The following OR9Q1 variants were observed in gnomAD, a reference collection of about 807,000 sequenced individuals.
The protein encoded by OR9Q1 is olfactory receptor family 9 subfamily Q member 1.
For missense variants in OR9Q1, 374 were observed against 378.8 expected (o/e 0.99, Z 0.11); for synonymous variants, 153 against 148.6 (o/e 1.03, Z -0.22).
At position 58,181,515 on chromosome 11, in the gene OR9Q1, A is replaced by G. The variant is rs1242408584; in HGVS notation, c.*1138A>G. 1 of 165,950 alleles carries G rather than the reference A, an allele frequency of 6.0e-6. No individual in the cohort carries two copies. The highest frequency in any genetic ancestry group is 1.5e-5 in the Non-Finnish European group (1 of 67,992). The allele number at this position is 165,950 out of a possible 1,614,324, so 10.3% of individuals were successfully genotyped here. On this transcript the variant is annotated 3_prime_UTR_variant, in exon 3 of 3. Coordinates refer to ENST00000335397, the MANE Select transcript of OR9Q1 (RefSeq NM_001005212.4). ...TCTATTAATTTTTTTTCATTTAAAC[A>G]AATTTTTATACCTGGAACTCAAACT...
At chr11:58,076,562 A>G (rs544701718) in intron 2 of OR9Q1, among the ~76,000 whole-genome samples, 2 of 152,328 alleles carry the variant, frequency 1.3e-5, no homozygotes, top group African/African-American at 2.4e-5. Flanking sequence ...TTATGGGCTC[A>G]CTGACTTTTG....
chr11:58,038,165 A>C (rs1853126992), intron 1 of OR9Q1, among the ~76,000 whole-genome samples: 4 of 152,046 alleles, frequency 2.6e-5, no homozygotes, highest in Middle Eastern at 6.8e-3. Context: ...ACTGGGAAAA[A>C]CCCAGTTTTG....
chr11:58,134,063 A>G (rs1429575657), intron 2 of OR9Q1, among the ~76,000 whole-genome samples: 1 of 152,204 alleles, frequency 6.6e-6, no homozygotes, highest in Non-Finnish European at 1.5e-5. Flanking sequence ...TCTCTCATTT[A>G]GAAGCTGATT....
Position 58,179,952 on chromosome 11 carries a change from G to A in OR9Q1, c.508G>A (p.Gly170Arg), listed in dbSNP as rs764345135. 7.4e-6 allele frequency: 12 copies of A among 1,614,010 alleles called. 1 individual carries two copies. The highest frequency in any genetic ancestry group is 2.2e-5 in the East Asian group (1 of 44,878). ...TVSAFTLSFC[G>R]TSEIDFIFCD... Reference sequence around the variant, plus strand: ...CTCAGCCTTCACTCTCTCCTTCTGTGGAACCAGTGAGATTGACTTTATTTT... The same window carrying A: ...CTCAGCCTTCACTCTCTCCTTCTGTAGAACCAGTGAGATTGACTTTATTTT... Residue 170 changes from glycine (G) to arginine (R), a missense_variant, in exon 3 of 3, where the codon GGA becomes AGA. Coordinates refer to ENST00000335397, the MANE Select transcript of OR9Q1 (RefSeq NM_001005212.4).
intron 2 of OR9Q1, among the ~76,000 whole-genome samples, chr11:58,126,648 T>C (rs1854093212): frequency 6.6e-6 from 1 of 152,196 alleles, no homozygotes; most frequent in African/African-American, 2.4e-5. Flanking sequence ...TACCTTCCAA[T>C]ACATTTTTGG....
intron 2 of OR9Q1, among the ~76,000 whole-genome samples, chr11:58,122,944 G>T: frequency 6.7e-6 from 1 of 148,722 alleles, no homozygotes. Context: ...ATTTGTTTAT[G>T]TAATTGTGGT....
At chr11:58,161,403 A>G (rs1854456447) in intron 2 of OR9Q1, among the ~76,000 whole-genome samples, 1 of 152,146 alleles carries the variant, frequency 6.6e-6, no homozygotes, top group African/African-American at 2.4e-5. Context: ...GCAATGGCGT[A>G]ATAGATGGAC....
At chr11:58,031,628 G>T (rs376751371) in intron 1 of OR9Q1, 5 of 1,608,738 alleles carry the variant, frequency 3.1e-6, no homozygotes, top group Admixed American at 1.7e-5. Flanking sequence ...TGGCAACATC[G>T]TCTGGACACT....
At chr11:58,173,487 T>G (rs1346091415) in intron 2 of OR9Q1, among the ~76,000 whole-genome samples, 3 of 151,556 alleles carry the variant, frequency 2.0e-5, no homozygotes, top group African/African-American at 7.3e-5. Flanking sequence ...TATGGCTGCA[T>G]AGTATTCCAT....
chr11:58,045,688 A>G (rs1398629093), intron 1 of OR9Q1, among the ~76,000 whole-genome samples: 1 of 152,338 alleles, frequency 6.6e-6, no homozygotes, highest in African/African-American at 2.4e-5. Context: ...CTTTCACTCT[A>G]GGCTCATCAA....
At chr11:58,129,680 A>G (rs55763633) in intron 2 of OR9Q1, among the ~76,000 whole-genome samples, 31,936 of 151,948 alleles carry the variant, frequency 0.21, 3,913 homozygotes, top group Middle Eastern at 0.39. Flanking sequence ...CTTTTCATGC[A>G]GGTCTCAGTG....
intron 2 of OR9Q1, among the ~76,000 whole-genome samples, chr11:58,085,598 G>GATTTGA (rs1853626758): frequency 1.3e-5 from 2 of 151,570 alleles, no homozygotes; most frequent in South Asian, 4.2e-4. Context: ...TCTATTCTAT[G>GATTTGA]CTTCTATAAA....
chr11:58,080,164 T>A (rs779799329), intron 2 of OR9Q1, among the ~76,000 whole-genome samples: 2 of 152,168 alleles, frequency 1.3e-5, no homozygotes, highest in Non-Finnish European at 2.9e-5. Flanking sequence ...ACTAGTAGTC[T>A]GCAGTGTCTA....
intron 2 of OR9Q1, among the ~76,000 whole-genome samples, chr11:58,129,090 G>A (rs1253141798): frequency 6.6e-6 from 1 of 152,096 alleles, no homozygotes; most frequent in African/African-American, 2.4e-5. Flanking sequence ...TCTTGCTCCA[G>A]GTACATATCT....
chr11:58,081,773 G>A (rs1185829028), intron 2 of OR9Q1, among the ~76,000 whole-genome samples: 10 of 137,990 alleles, frequency 7.2e-5, no homozygotes. Context: ...TAGGTTGCCT[G>A]TTCACTCTGA....
At chr11:58,138,890 A>G (rs2514193) in intron 2 of OR9Q1, among the ~76,000 whole-genome samples, 19,391 of 152,108 alleles carry the variant, frequency 0.13, 1,982 homozygotes, top group Admixed American at 0.24. Flanking sequence ...GAAAGTTTGT[A>G]CCCTTTGACC....
intron 2 of OR9Q1, among the ~76,000 whole-genome samples, chr11:58,139,449 A>G (rs997639632): frequency 6.6e-6 from 1 of 151,804 alleles, no homozygotes; most frequent in Non-Finnish European, 1.5e-5. Context: ...CCACCCCACA[A>G]CAGTCCCCAG....
rs114310335 is a variant in OR9Q1 at position 58,174,496 on chromosome 11, T to C, written c.-14-4935T>C. On this transcript the variant is annotated intron_variant, in intron 2 of 2. Transcript: ENST00000335397. ...ACTAAGTACCCCATGGTCAAATACTTTTGAGAATTGTTGCATAATATACAG... is the reference window on the plus strand; with the variant it reads ...ACTAAGTACCCCATGGTCAAATACTCTTGAGAATTGTTGCATAATATACAG... 3.0e-3 allele frequency among the ~76,000 whole-genome samples: 460 copies of C among 152,028 alleles called. 3 individuals are homozygous for C. Among genetic ancestry groups the C allele is most frequent in the African/African-American group, 0.011 (439 of 41,464 alleles).
At position 58,065,198 on chromosome 11, in the gene OR9Q1, C is replaced by T. The variant is rs1265645171; in HGVS notation, c.-15+9251C>T. ...ATTCAGATGCAGAAACAGTCAGATA[C>T]ACACAGAGACAGGCACTCTGATGTA... On this transcript the variant is annotated intron_variant, in intron 2 of 2. Transcript: ENST00000335397. Among the ~76,000 whole-genome samples the T allele has an allele frequency of 4.6e-5, 7 of 152,212 alleles. No homozygotes were observed. In the East Asian group the frequency reaches 9.7e-4, roughly 21 times the overall value.
Sources: allele counts gnomAD v4.1 joint callset (sites outside exome capture counted in the v4.1 genomes callset), GRCh38; gene constraint gnomAD v4.1.1; transcripts MANE v1.5; gene names NCBI Gene and HGNC (gene_info 2026-07-23, HGNC 2026-07-21).